The following WAPL variants were observed in gnomAD, a reference collection of about 807,000 sequenced individuals.
WAPL encodes wings apart-like protein homolog.
A neutral mutation model predicts 121.0 loss-of-function variants in WAPL; 5 were observed. That is an observed-to-expected ratio of 0.04 (90% CI 0.02 to 0.09). The LOEUF is 0.09. WAPL is among the 10% of genes least tolerant of loss of function. The probability of loss-of-function intolerance (pLI) is 1.00; values close to 1 mark genes in which losing one functional copy is unlikely to be tolerated. For missense variants in WAPL, 999 were observed against 1,410.8 expected (o/e 0.71, Z 4.68); for synonymous variants, 480 against 481.5 (o/e 1.00, Z 0.04).
chr10:86,475,220 A>G (rs1381659221), intron 4 of WAPL, among the ~76,000 whole-genome samples: 5 of 152,246 alleles, frequency 3.3e-5, no homozygotes, highest in Non-Finnish European at 7.3e-5. Context: ...AGAAAACTGC[A>G]TAATTACAAA....
intron 2 of WAPL, 51 bp downstream of exon 2, chr10:86,517,520 A>T (rs1162169916): frequency 1.3e-6 from 2 of 1,527,312 alleles, no homozygotes; most frequent in East Asian, 4.5e-5. Flanking sequence ...ATTTAAATAA[A>T]TTGGTTGCAC....
intron 12 of WAPL, among the ~76,000 whole-genome samples, chr10:86,456,076 G>GAC (rs1213889473): frequency 2.0e-5 from 3 of 152,168 alleles, no homozygotes; most frequent in African/African-American, 7.2e-5. Flanking sequence ...GAGTCTGATG[G>GAC]ACACTCAATG....
At chr10:86,459,470 C>T (rs937835516) in intron 11 of WAPL, among the ~76,000 whole-genome samples, 8 of 152,326 alleles carry the variant, frequency 5.3e-5, no homozygotes, top group Non-Finnish European at 1.0e-4. Context: ...TGGAACGCTA[C>T]AATTTAATCT....
chr10:86,502,480 C>G (rs1333794751), intron 2 of WAPL, among the ~76,000 whole-genome samples: 1 of 152,144 alleles, frequency 6.6e-6, no homozygotes, highest in Non-Finnish European at 1.5e-5. Flanking sequence ...AATACAACAT[C>G]TTGAATTTAC....
At chr10:86,464,320 T>A (rs1841352712) in intron 9 of WAPL, among the ~76,000 whole-genome samples, 2 of 152,198 alleles carry the variant, frequency 1.3e-5, no homozygotes, top group African/African-American at 4.8e-5. Flanking sequence ...ATTCTGGTAT[T>A]TATCATCCTA....
In WAPL at chr10:86,486,102, T is replaced by TC. The variant is rs553140505; in HGVS notation, c.1644+11098dup. On this transcript the variant is annotated intron_variant, in intron 4 of 18. Transcript: ENST00000298767. ...GTCATTCTTTTTTTCAGGCTTCATA[T>TC]CAATTAATATATCAGGTTTCTAGTA... is the stretch of plus-strand genomic sequence containing the variant. Among the ~76,000 whole-genome samples, 470 of 152,282 alleles carry TC rather than the reference T, an allele frequency of 3.1e-3. 1 individual carries two copies. Among genetic ancestry groups the TC allele is most frequent in the Non-Finnish European group, 5.2e-3 (351 of 68,018 alleles).
At chr10:86,451,674 T>A (rs893341562) in intron 15 of WAPL, among the ~76,000 whole-genome samples, 2 of 152,202 alleles carry the variant, frequency 1.3e-5, no homozygotes, top group African/African-American at 4.8e-5. Flanking sequence ...ATTATAGGCG[T>A]GAGTCACTGC....
intron 2 of WAPL, among the ~76,000 whole-genome samples, chr10:86,504,172 T>C (rs941934097): frequency 6.6e-6 from 1 of 151,918 alleles, no homozygotes; most frequent in Non-Finnish European, 1.5e-5. Context: ...AGACTCTGCC[T>C]CAAAAATAAA....
In WAPL at chr10:86,481,151, C is replaced by T. The variant is rs149354839; in HGVS notation, c.1645-7178G>A. Among the ~76,000 whole-genome samples the T allele has an allele frequency of 5.4e-3, 825 of 151,654 alleles. 20 individuals carry two copies. Among genetic ancestry groups the T allele is most frequent in the East Asian group, 5.6e-3 (29 of 5,168 alleles). On this transcript the variant is annotated intron_variant, in intron 4 of 18. Transcript: ENST00000298767. Reference sequence around the variant, plus strand: ...ATGTGGGTAAACTATGCACATACAACGTTAAAAAGAAACAATTTAAAAGAT... The same window carrying T: ...ATGTGGGTAAACTATGCACATACAATGTTAAAAAGAAACAATTTAAAAGAT...
At chr10:86,493,371 A>G (rs1412630054) in intron 4 of WAPL, among the ~76,000 whole-genome samples, 8 of 152,026 alleles carry the variant, frequency 5.3e-5, no homozygotes, top group Admixed American at 1.3e-4. Flanking sequence ...TATACTTAAT[A>G]TAAGTATTAT....
At chr10:86,505,797 G>C (rs1407850080) in intron 2 of WAPL, among the ~76,000 whole-genome samples, 1 of 151,890 alleles carries the variant, frequency 6.6e-6, no homozygotes, top group Non-Finnish European at 1.5e-5. Context: ...AAAGAACAAG[G>C]AACACTATAT....
At position 86,458,588 on chromosome 10, in the gene WAPL, T is replaced by C. The variant is rs1374214340; in HGVS notation, c.2657+401A>G. 7.9e-5 allele frequency among the ~76,000 whole-genome samples: 12 copies of C among 152,278 alleles called. No homozygotes were observed. In the East Asian group the frequency reaches 1.9e-3, roughly 25 times the overall value. ...ATCACAAATGATACAAAAGATACTTTAAAAATCATTTAAATTTAAATTTTT... is the reference window on the plus strand; with the variant it reads ...ATCACAAATGATACAAAAGATACTTCAAAAATCATTTAAATTTAAATTTTT... On this transcript the variant is annotated intron_variant, in intron 12 of 18. Coordinates refer to ENST00000298767, the MANE Select transcript of WAPL (RefSeq NM_015045.5).
rs758950127 is a variant in WAPL, at chr10:86,446,283, T to C, written c.3281A>G (p.His1094Arg). The change falls in exon 16 of 19, where the codon CAT becomes CGT. Residue 1094 changes from histidine (H) to arginine (R), a missense_variant. His to Arg is a conservative substitution (Grantham distance 29). Coordinates refer to ENST00000298767, the MANE Select transcript of WAPL (RefSeq NM_015045.5). ...TEKTDGTEEK[H>R]KKEEEDEELD... ...TTCTTCATCCTCCTCCTCCTTCTTATGTTTCTCTTCTGTACCATCAGTCTT... is the reference window on the plus strand; with the variant it reads ...TTCTTCATCCTCCTCCTCCTTCTTACGTTTCTCTTCTGTACCATCAGTCTT... The C allele has an allele frequency of 1.9e-6, 3 of 1,614,188 alleles. No homozygotes were observed. Among genetic ancestry groups the C allele is most frequent in the East Asian group, 2.2e-5 (1 of 44,878 alleles).
intron 9 of WAPL, among the ~76,000 whole-genome samples, chr10:86,464,640 T>C (rs7901479): frequency 0.96 from 146,319 of 152,304 alleles, 70,429 homozygotes; most frequent in East Asian, 1. Flanking sequence ...TCGAGACCAG[T>C]TTAGCCAACA....
At position 86,472,504 on chromosome 10, in the gene WAPL, T is replaced by C. The variant is rs747663843; in HGVS notation, c.1893+108A>G. ...ATGGTAGGACAAAAGAAGTTTGTGG[T>C]TCAAAACTGAGTATCAGTATACTGA... On this transcript the variant is annotated intron_variant, in intron 6 of 18. Coordinates refer to ENST00000298767, the MANE Select transcript of WAPL (RefSeq NM_015045.5). This position sits in a 1 kb window ranked among gnomAD's most constrained non-coding sequence, Gnocchi z 4.2. 1.2e-5 allele frequency: 18 copies of C among 1,525,300 alleles called. No homozygotes were observed. Among genetic ancestry groups the C allele is most frequent in the Non-Finnish European group, 1.5e-5 (17 of 1,136,548 alleles). 94.5% of individuals were successfully genotyped at this position (1,525,300 alleles called of 1,614,324 possible).
intron 17 of WAPL, among the ~76,000 whole-genome samples, chr10:86,440,538 A>G (rs749110077): frequency 4.6e-5 from 7 of 151,866 alleles, no homozygotes; most frequent in Non-Finnish European, 1.0e-4. Context: ...TGACCTTGTG[A>G]TCTGCCCACC....
chr10:86,520,819 C>G (rs920367360), intron 1 of WAPL, among the ~76,000 whole-genome samples: 1 of 151,586 alleles, frequency 6.6e-6, no homozygotes, highest in Non-Finnish European at 1.5e-5. Context: ...TCACTCCCAC[C>G]CTAATCTAGC....
chr10:86,471,950 G>A (rs557397742), intron 7 of WAPL, among the ~76,000 whole-genome samples: 34 of 50,212 alleles, frequency 6.8e-4, no homozygotes, highest in Admixed American at 1.8e-3. Flanking sequence ...ATGCTTTAGC[G>A]TAATTTTTTT....
intron 9 of WAPL, among the ~76,000 whole-genome samples, chr10:86,463,560 T>C (rs969726539): frequency 1.3e-5 from 2 of 152,210 alleles, no homozygotes; most frequent in Non-Finnish European, 2.9e-5. Context: ...TCACAGAATA[T>C]TTTTGTAGAG....
Sources: allele counts gnomAD v4.1 joint callset (sites outside exome capture counted in the v4.1 genomes callset), GRCh38; gene constraint gnomAD v4.1.1; non-coding constraint Gnocchi (gnomAD v3.1); transcripts MANE v1.5; gene names NCBI Gene and HGNC (gene_info 2026-07-23, HGNC 2026-07-21).